Variants in CRPPA observed in about 807,000 individuals in gnomAD.
CRPPA encodes CDP-L-ribitol pyrophosphorylase A.
A neutral mutation model predicts 52.0 loss-of-function variants in CRPPA; 43 were observed. That is an observed-to-expected ratio of 0.83 (90% CI 0.65 to 1.07). The LOEUF (loss-of-function observed/expected upper bound fraction) is 1.07. CRPPA is among the 50% of genes least tolerant of loss of function. CRPPA has a pLI of 0.00. For synonymous variants in CRPPA, 250 were observed against 203.5 expected (o/e 1.23, Z -1.94); for missense variants, 629 against 551.7 (o/e 1.14, Z -1.40).
intron 6 of CRPPA, among the ~76,000 whole-genome samples, chr7:16,271,236 T>C (rs980255324): frequency 4.6e-5 from 7 of 152,130 alleles, no homozygotes; most frequent in African/African-American, 1.7e-4. Flanking sequence ...ATTCTTTTAT[T>C]ACAGGAATGA....
chr7:16,282,162 T>C (rs545260195), intron 5 of CRPPA, among the ~76,000 whole-genome samples: 2 of 152,264 alleles, frequency 1.3e-5, no homozygotes, highest in East Asian at 1.9e-4. Context: ...TTTCTATTTA[T>C]ATTTAAGGCT....
At chr7:16,377,694 T>C (rs1433360478) in intron 2 of CRPPA, among the ~76,000 whole-genome samples, 3 of 152,192 alleles carry the variant, frequency 2.0e-5, no homozygotes, top group East Asian at 3.9e-4. Context: ...CGTTTCTTCT[T>C]CTATACTCCA....
At chr7:16,353,215 A>G (rs1786203263) in intron 3 of CRPPA, among the ~76,000 whole-genome samples, 1 of 151,914 alleles carries the variant, frequency 6.6e-6, no homozygotes, top group African/African-American at 2.4e-5. Flanking sequence ...TTAGCCAGGC[A>G]TGGTGGCACT....
intron 9 of CRPPA, among the ~76,000 whole-genome samples, chr7:16,126,368 G>T (rs977615342): frequency 5.9e-5 from 9 of 152,058 alleles, no homozygotes; most frequent in Admixed American, 2.6e-4. Context: ...AAACTATCAG[G>T]ATGCAAGGCC....
At chr7:16,180,613 T>C (rs1329226385) in intron 9 of CRPPA, among the ~76,000 whole-genome samples, 1 of 152,088 alleles carries the variant, frequency 6.6e-6, no homozygotes, top group Non-Finnish European at 1.5e-5. Flanking sequence ...AATATATTCA[T>C]CTAACAATAT....
At chr7:16,264,925 C>T (rs1157840185) in intron 6 of CRPPA, among the ~76,000 whole-genome samples, 1 of 152,162 alleles carries the variant, frequency 6.6e-6, no homozygotes, top group East Asian at 1.9e-4. Context: ...TGCTGTGTGA[C>T]TTTGGGCAAG....
intron 6 of CRPPA, among the ~76,000 whole-genome samples, chr7:16,260,839 T>C (rs1783775369): frequency 6.6e-6 from 1 of 152,066 alleles, no homozygotes; most frequent in South Asian, 2.1e-4. Flanking sequence ...GGACAGAGCT[T>C]AGGATCTTTG....
intron 3 of CRPPA, among the ~76,000 whole-genome samples, chr7:16,364,500 G>A (rs917581662): frequency 6.6e-6 from 1 of 152,142 alleles, no homozygotes; most frequent in Non-Finnish European, 1.5e-5. Context: ...GCAGTGCGTT[G>A]CATGCTTGTC....
chr7:16,386,079 T>C (rs75954973), intron 2 of CRPPA, among the ~76,000 whole-genome samples: 2,895 of 152,182 alleles, frequency 0.019, 37 homozygotes, highest in South Asian at 0.065. Context: ...AATCATATCA[T>C]ACATGAATTT....
rs1782526955 is a variant in CRPPA at position 16,222,130 on chromosome 7, G to GT, written c.1120-5934dup. Among the ~76,000 whole-genome samples the GT allele has an allele frequency of 2.6e-5, 4 of 151,778 alleles. No individual in the cohort carries two copies. The South Asian group carries it at 8.4e-4, about 32-fold the overall frequency. ...ACTATGCAGCCATAAAAAATGATGA[G>GT]TTCATGTCCTTTGTAGGGGCATAGA... On this transcript the variant is annotated intron_variant, in intron 8 of 9. Transcript: ENST00000407010.
intron 3 of CRPPA, among the ~76,000 whole-genome samples, chr7:16,312,761 T>C (rs553741153): frequency 6.6e-6 from 1 of 152,092 alleles, no homozygotes; most frequent in African/African-American, 2.4e-5. Flanking sequence ...GATCTCTATT[T>C]CTCGTTTTCT....
At chr7:16,297,213 A>T (rs998678519) in intron 5 of CRPPA, among the ~76,000 whole-genome samples, 6 of 152,172 alleles carry the variant, frequency 3.9e-5, no homozygotes, top group African/African-American at 9.7e-5. Context: ...CCAACTGCAA[A>T]ATGAGAGCAA....
chr7:16,097,662 A>G (rs1230442324), intron 9 of CRPPA, among the ~76,000 whole-genome samples: 1 of 152,142 alleles, frequency 6.6e-6, no homozygotes, highest in Non-Finnish European at 1.5e-5. Flanking sequence ...TTTTGTGATG[A>G]CTATATCCAG....
intron 9 of CRPPA, among the ~76,000 whole-genome samples, chr7:16,196,135 T>G (rs1472265976): frequency 6.6e-6 from 1 of 152,300 alleles, no homozygotes; most frequent in African/African-American, 2.4e-5. Flanking sequence ...CATATATATG[T>G]TGTCTTTTTT....
chr7:16,388,865 G>A (rs1359960740), intron 2 of CRPPA, among the ~76,000 whole-genome samples: 1 of 151,980 alleles, frequency 6.6e-6, no homozygotes, highest in Admixed American at 6.6e-5. Context: ...GACAGAGCAA[G>A]ACTCCATCTC....
At chr7:16,101,625 C>T (rs10249995) in intron 9 of CRPPA, among the ~76,000 whole-genome samples, 15,625 of 151,662 alleles carry the variant, frequency 0.1, 976 homozygotes, top group African/African-American at 0.17. Flanking sequence ...AGCAAAGTCT[C>T]GGGATAGAAA....
At chr7:16,190,497 C>T (rs1781586757) in intron 9 of CRPPA, among the ~76,000 whole-genome samples, 1 of 152,152 alleles carries the variant, frequency 6.6e-6, no homozygotes, top group African/African-American at 2.4e-5. Flanking sequence ...CGCTGTATAA[C>T]TGAAAATAAA....
chr7:16,227,687 C>A (rs1782687389), intron 8 of CRPPA, among the ~76,000 whole-genome samples: 1 of 151,602 alleles, frequency 6.6e-6, no homozygotes, highest in Non-Finnish European at 1.5e-5. Context: ...TGTATGGTTC[C>A]TCTCATTCTG....
intron 1 of CRPPA, among the ~76,000 whole-genome samples, chr7:16,420,462 TC>T (rs1282792430): frequency 1.3e-5 from 2 of 152,102 alleles, no homozygotes; most frequent in African/African-American, 4.8e-5. Flanking sequence ...CTCCTTCATT[TC>T]CCCAACTAGT....
Sources: gnomAD v4.1 joint callset for allele counts (sites outside exome capture counted in the v4.1 genomes callset) on GRCh38, gnomAD v4.1.1 for gene constraint, MANE v1.5 for transcripts, NCBI Gene and HGNC (gene_info 2026-07-23, HGNC 2026-07-21) for gene names.